SPTAN1: variants seen among roughly 807,000 people sequenced by gnomAD.
SPTAN1 encodes the protein spectrin alpha chain, non-erythrocytic 1.
A neutral mutation model predicts 331.3 loss-of-function variants in SPTAN1; 61 were observed. The observed-to-expected ratio is 0.18, with a 90% CI of 0.15 to 0.23. The LOEUF is 0.23. Among genes scored for constraint, SPTAN1 ranks in the 10% least tolerant of loss-of-function variants. The pLI is 1.00. For synonymous variants in SPTAN1, 1,153 were observed against 1,173.9 expected, an observed-to-expected ratio of 0.98 and a Z score of 0.36; for missense variants, 2,043 against 3,147.9, an observed-to-expected ratio of 0.65 and a Z score of 8.40.
chr9:128,593,880 T>C, intron 23 of SPTAN1: 1 of 418,848 alleles, frequency 2.4e-6, no homozygotes, highest in Non-Finnish European at 4.5e-6. Context: ...AAGCGCTTGG[T>C]TTCAGTCCCT....
At chr9:128,604,925 T>TC in intron 29 of SPTAN1, 109 bp from the exon 30 acceptor site, 1 of 1,185,294 alleles carries the variant, frequency 8.4e-7, no homozygotes, top group Non-Finnish European at 1.2e-6. Context: ...AGAATGAAAC[T>TC]CCATCTCAGT....
In SPTAN1 at chr9:128,605,488, A is replaced by G. The variant is rs765778684; in HGVS notation, c.4046+11A>G. 3 of 1,614,062 alleles carry G rather than the reference A, an allele frequency of 1.9e-6. No homozygotes were observed. The highest frequency in any genetic ancestry group is 1.7e-5 in the Admixed American group (1 of 60,004). On this transcript the variant is annotated intron_variant, in intron 31 of 56. Coordinates refer to ENST00000372739, the MANE Select transcript of SPTAN1 (RefSeq NM_001130438.3). Reference sequence around the variant, plus strand: ...CCTTAGCGATTTCCGGTACGGAGCCATGTTCACTCAGACTTCTGGAACATA... The same window carrying G: ...CCTTAGCGATTTCCGGTACGGAGCCGTGTTCACTCAGACTTCTGGAACATA...
intron 41 of SPTAN1, 71 bp from the exon 42 acceptor site, chr9:128,617,569 T>G (rs1857323561): frequency 1.2e-6 from 2 of 1,610,152 alleles, no homozygotes; most frequent in Non-Finnish European, 1.7e-6. Context: ...GGTCCACAGT[T>G]GACCTGATGT....
At chr9:128,553,686 A>G (rs1355343929) in intron 1 of SPTAN1, among the ~76,000 whole-genome samples, 2 of 152,244 alleles carry the variant, frequency 1.3e-5, no homozygotes, top group Admixed American at 6.5e-5. Context: ...GGTTGAGATG[A>G]TGCTTGAACT....
chr9:128,611,897 G>A (rs772409000), intron 38 of SPTAN1, 52 bp downstream of exon 38: 31 of 1,613,240 alleles, frequency 1.9e-5, no homozygotes, highest in Non-Finnish European at 2.4e-5. Flanking sequence ...CACCGTCACT[G>A]TCAACCTGAT....
intron 40 of SPTAN1, among the ~76,000 whole-genome samples, chr9:128,615,158 C>T (rs1367762544): frequency 6.6e-6 from 1 of 152,156 alleles, no homozygotes; most frequent in African/African-American, 2.4e-5. Context: ...GTGACAGGCT[C>T]ACTTTATTTA....
intron 27 of SPTAN1, among the ~76,000 whole-genome samples, chr9:128,603,263 T>G (rs1399781297): frequency 6.6e-6 from 1 of 152,214 alleles, no homozygotes; most frequent in Non-Finnish European, 1.5e-5. Context: ...TAGGTATTTT[T>G]CTGTCCAACT....
intron 36 of SPTAN1, 99 bp from the exon 37 acceptor site, chr9:128,609,552 T>C (rs1856334605): frequency 9.2e-7 from 1 of 1,084,496 alleles, no homozygotes; most frequent in Admixed American, 2.6e-5. Flanking sequence ...ATGCTGAGCT[T>C]CCTGGGGGAA....
chr9:128,577,524 G>A lies in SPTAN1; in HGVS notation c.1085+18G>A, dbSNP rs747590672. 1.2e-6 allele frequency: 2 copies of A among 1,612,970 alleles called. No homozygotes were observed. ...TCATACAGGTGCAAATAATGCTCCAGGTCTTAACCAGTATCATTTGGCTTC... is the reference window on the plus strand; with the variant it reads ...TCATACAGGTGCAAATAATGCTCCAAGTCTTAACCAGTATCATTTGGCTTC... On this transcript the variant is annotated intron_variant, in intron 8 of 56. Transcript: ENST00000372739. This position sits in a 1 kb window ranked among gnomAD's most constrained non-coding sequence, Gnocchi z 4.2.
In SPTAN1 at chr9:128,585,956, C is replaced by T. The variant is rs1852552454; in HGVS notation, c.2769C>T (p.Asp923=). The T allele has an allele frequency of 6.2e-7, 1 of 1,612,384 alleles. No individual in the cohort carries two copies. The highest frequency in any genetic ancestry group is 8.5e-7 in the Non-Finnish European group (1 of 1,180,006). The change falls in exon 19 of 57, where the codon GAC becomes GAT. Residue 923 remains aspartate (D), a synonymous_variant. Transcript: ENST00000372739. ...VGSTDYGKDE[D]SAEALLKKHE... is the part of the protein sequence containing the mutation. The stretch of plus-strand genomic sequence containing the variant: ...GCACTGACTATGGCAAGGACGAAGA[C>T]TCTGCTGAGGTAACCAGGCGTGGGA...
At position 128,587,662 on chromosome 9, in the gene SPTAN1, C is replaced by T; in HGVS notation, c.2835C>T (p.Ser945=). The T allele has an allele frequency of 6.2e-7, 1 of 1,614,032 alleles. No homozygotes were observed. Among genetic ancestry groups the T allele is most frequent in the Non-Finnish European group, 8.5e-7 (1 of 1,179,964 alleles). ...CAGATCTCAGTGCCTACGGCAGCAG[C>T]ATCCAGGCTTTGCGAGAACAAGCAC... ...LMSDLSAYGS[S]IQALREQAQS... The change falls in exon 20 of 57, where the codon AGC becomes AGT. Residue 945 remains serine (S), a synonymous_variant. Coordinates refer to ENST00000372739, the MANE Select transcript of SPTAN1 (RefSeq NM_001130438.3).
At chr9:128,558,563 A>G (rs1848923669) in intron 1 of SPTAN1, among the ~76,000 whole-genome samples, 1 of 152,224 alleles carries the variant, frequency 6.6e-6, no homozygotes. Flanking sequence ...TTAGGCAGTT[A>G]GTGGAACTGA....
At chr9:128,624,509 C>G (rs766111201) in intron 46 of SPTAN1, 22 bp downstream of exon 46, 6 of 1,611,748 alleles carry the variant, frequency 3.7e-6, no homozygotes, top group Non-Finnish European at 5.1e-6. Flanking sequence ...CAGCAAGGCC[C>G]GGAAGAGCCT....
chr9:128,562,243 C>T (rs1849461758), intron 1 of SPTAN1, among the ~76,000 whole-genome samples: 1 of 152,286 alleles, frequency 6.6e-6, no homozygotes, highest in Non-Finnish European at 1.5e-5. Context: ...GCTGGGGCTA[C>T]AGGCGCGTGC....
In SPTAN1 at chr9:128,629,483, G is replaced by A. The variant is rs370135036; in HGVS notation, c.6708-838G>A. On this transcript the variant is annotated intron_variant, in intron 51 of 56. Transcript: ENST00000372739. This position sits in a 1 kb window ranked among gnomAD's most constrained non-coding sequence, Gnocchi z 4.9. ...TTGCAGAGCTAACCCTGGCTCGCCG[G>A]GTTTTAAAAGGGTAGGTTGGGGTGA... Among the ~76,000 whole-genome samples, 34 of 152,242 alleles carry A rather than the reference G, an allele frequency of 2.2e-4. No individual in the cohort carries two copies. Among genetic ancestry groups the A allele is most frequent in the East Asian group, 1.9e-3 (10 of 5,160 alleles).
intron 45 of SPTAN1, 104 bp from the exon 46 acceptor site, chr9:128,624,224 C>T: frequency 2.2e-6 from 3 of 1,373,666 alleles, no homozygotes; most frequent in Non-Finnish European, 2.0e-6. Context: ...GACAGGGGAG[C>T]AAGTGGCCCA....
rs758023451 is a variant in SPTAN1 at position 128,588,898 on chromosome 9, C to T, written c.2961C>T (p.Thr987=). ...DYQEKSPREV[T]MKKGDILTLL... The stretch of plus-strand genomic sequence containing the variant: ...AGGAGAAGAGTCCCCGAGAGGTCAC[C>T]ATGAAGAAGGGAGATATCCTTACCT... Residue 987 remains threonine, a synonymous_variant, in exon 21 of 57, where the codon ACC becomes ACT. Coordinates refer to ENST00000372739, the MANE Select transcript of SPTAN1 (RefSeq NM_001130438.3). 1.2e-6 allele frequency: 2 copies of T among 1,614,132 alleles called. No individual in the cohort carries two copies. Among genetic ancestry groups the T allele is most frequent in the Non-Finnish European group, 1.7e-6 (2 of 1,180,022 alleles).
rs767399516 is a variant in SPTAN1, at chr9:128,626,614, C to T, written c.6503C>T (p.Ala2168Val). The T allele has an allele frequency of 1.7e-5, 27 of 1,613,946 alleles. No homozygotes were observed. The South Asian group carries it at 2.9e-4, about 17-fold the overall frequency. ...CGCCAGATCAAGAGCTTCCGCGTAG[C>T]CTCCAACCCCTACACCTGGTTTACC... Reference protein sequence around the residue: ...LDRQIKSFRVASNPYTWFTME... With the variant: ...LDRQIKSFRVVSNPYTWFTME... The change falls in exon 49 of 57, where the codon GCC becomes GTC. Residue 2168 changes from alanine (A) to valine (V), a missense_variant. This residue lies in a region of SPTAN1 where 256 missense variants were observed against 376.4 expected (regional missense o/e 0.68). Transcript: ENST00000372739.
intron 36 of SPTAN1, 38 bp from the exon 37 acceptor site, chr9:128,609,613 G>T: frequency 6.6e-7 from 1 of 1,508,290 alleles, no homozygotes; most frequent in South Asian, 1.3e-5. Context: ...GTCCACATCA[G>T]TGTACTGAAC....
Sources: allele counts gnomAD v4.1 joint callset (sites outside exome capture counted in the v4.1 genomes callset), GRCh38; gene constraint gnomAD v4.1.1; regional missense constraint gnomAD v4.1.1; non-coding constraint Gnocchi (gnomAD v3.1); transcripts MANE v1.5; gene names NCBI Gene and HGNC (gene_info 2026-07-23, HGNC 2026-07-21).